The following GLP2R variants were observed in gnomAD, a reference collection of about 807,000 sequenced individuals.
The protein encoded by GLP2R is glucagon-like peptide 2 receptor.
GLP2R carries 59 observed loss-of-function variants against 68.2 expected under a neutral mutation model. The ratio of observed to expected loss-of-function variants is 0.87; its 90% CI spans 0.70 to 1.07. GLP2R has a LOEUF of 1.07. Among genes scored for constraint, GLP2R ranks in the 50% least tolerant of loss-of-function variants. GLP2R has a pLI of 0.00. For synonymous variants in GLP2R, 270 were observed against 265.4 expected, an observed-to-expected ratio of 1.02 and a Z score of -0.17; for missense variants, 548 against 677.4, an observed-to-expected ratio of 0.81 and a Z score of 2.12.
chr17:9,870,898 C>A, intron 10 of GLP2R, 63 bp downstream of exon 10: 1 of 807,544 alleles, frequency 1.2e-6, no homozygotes, highest in African/African-American at 1.7e-5. Context: ...GGCTGTTCTG[C>A]CCGCTGTCTT....
chr17:9,836,238 C>A (rs1385289327), intron 2 of GLP2R, 133 bp from the exon 3 acceptor site: 2 of 650,942 alleles, frequency 3.1e-6, no homozygotes, highest in Non-Finnish European at 5.6e-6. Context: ...AGTGGGGCAC[C>A]CATGCTGGTT....
chr17:9,864,842 C>T (rs16958860), intron 9 of GLP2R, among the ~76,000 whole-genome samples: 37,614 of 151,946 alleles, frequency 0.25, 7,210 homozygotes, highest in African/African-American at 0.52. Context: ...TTTTAAAACC[C>T]CTGAAATGAT....
intron 1 of GLP2R, among the ~76,000 whole-genome samples, chr17:9,826,967 G>C (rs2066637944): frequency 6.6e-6 from 1 of 152,106 alleles, no homozygotes; most frequent in South Asian, 2.1e-4. Context: ...TGCCTCCCGG[G>C]TTCAAGTGAT....
At chr17:9,835,300 G>A (rs2066717046) in intron 2 of GLP2R, among the ~76,000 whole-genome samples, 1 of 152,078 alleles carries the variant, frequency 6.6e-6, no homozygotes, top group Admixed American at 6.5e-5. Flanking sequence ...CTAATAGGGA[G>A]CAGATGGTGG....
intron 1 of GLP2R, among the ~76,000 whole-genome samples, chr17:9,832,334 G>T (rs889634822): frequency 3.9e-5 from 6 of 152,102 alleles, no homozygotes; most frequent in African/African-American, 1.4e-4. Flanking sequence ...TAGCACTTTG[G>T]GAGGCTGAGG....
intron 1 of GLP2R, among the ~76,000 whole-genome samples, chr17:9,832,139 T>C (rs181137835): frequency 4.3e-4 from 66 of 152,292 alleles, no homozygotes; most frequent in African/African-American, 1.5e-3. Flanking sequence ...AGAAAGCCCT[T>C]TTTAAAATCA....
At chr17:9,885,795 C>A (rs1360284747) in intron 11 of GLP2R, among the ~76,000 whole-genome samples, 6 of 151,884 alleles carry the variant, frequency 4.0e-5, no homozygotes, top group Admixed American at 3.9e-4. Context: ...AAACTAGGTC[C>A]ACTTTTTGAT....
At chr17:9,877,073 A>T (rs550725525) in intron 10 of GLP2R, among the ~76,000 whole-genome samples, 1 of 152,358 alleles carries the variant, frequency 6.6e-6, no homozygotes, top group African/African-American at 2.4e-5. Flanking sequence ...AATTGGCAAC[A>T]CTGAGATTTG....
At chr17:9,861,916 A>G (rs2066990890) in intron 8 of GLP2R, 105 bp from the exon 9 acceptor site, 2 of 812,930 alleles carry the variant, frequency 2.5e-6, no homozygotes, top group Admixed American at 3.5e-5. Context: ...GGTGGGAAGT[A>G]GGGCTTGAGT....
At chr17:9,888,456 A>AT (rs1018114252) in intron 12 of GLP2R, among the ~76,000 whole-genome samples, 4 of 152,110 alleles carry the variant, frequency 2.6e-5, no homozygotes, top group Admixed American at 2.0e-4. Context: ...CTATGATTAC[A>AT]TTTTTTTAAA....
At chr17:9,854,150 C>G (rs1309519252) in intron 4 of GLP2R, among the ~76,000 whole-genome samples, 2 of 152,136 alleles carry the variant, frequency 1.3e-5, no homozygotes, top group Non-Finnish European at 2.9e-5. Flanking sequence ...GACAGTGCTC[C>G]CAAGGGCAAA....
intron 2 of GLP2R, among the ~76,000 whole-genome samples, chr17:9,835,410 GGA>G: frequency 6.6e-6 from 1 of 152,078 alleles, no homozygotes; most frequent in Admixed American, 6.6e-5. Context: ...CCCATAAGGT[GGA>G]GTTTTAAGGT....
At chr17:9,885,267 G>T (rs944363386) in intron 11 of GLP2R, among the ~76,000 whole-genome samples, 1 of 151,308 alleles carries the variant, frequency 6.6e-6, no homozygotes, top group Non-Finnish European at 1.5e-5. Flanking sequence ...TCGGCTCACC[G>T]CAACCTCCAC....
At chr17:9,861,346 A>G (rs1479321912) in intron 8 of GLP2R, 147 bp downstream of exon 8, 2 of 623,064 alleles carry the variant, frequency 3.2e-6, no homozygotes, top group Non-Finnish European at 5.8e-6. Flanking sequence ...GGGAGATAAA[A>G]TAATCAGAGA....
chr17:9,831,935 C>T (rs141189610), intron 1 of GLP2R, among the ~76,000 whole-genome samples: 11 of 152,266 alleles, frequency 7.2e-5, no homozygotes, highest in Non-Finnish European at 1.0e-4. Flanking sequence ...CACTTGGCAT[C>T]GTAGGGATGC....
chr17:9,886,984 C>T (rs1387658617), intron 11 of GLP2R, among the ~76,000 whole-genome samples: 8 of 152,142 alleles, frequency 5.3e-5, no homozygotes, highest in Admixed American at 5.2e-4. Flanking sequence ...ACCCTTACAT[C>T]AATTAGGGAC....
chr17:9,877,704 C>G (rs1199921073), intron 10 of GLP2R, among the ~76,000 whole-genome samples: 1 of 151,840 alleles, frequency 6.6e-6, no homozygotes, highest in Non-Finnish European at 1.5e-5. Flanking sequence ...GGTGAAATCC[C>G]GTCTCTACTA....
At chr17:9,862,216 A>G in intron 9 of GLP2R, 126 bp downstream of exon 9, 1 of 704,300 alleles carries the variant, frequency 1.4e-6, no homozygotes. Flanking sequence ...AACTATGAGC[A>G]TTTTCTGCTG....
chr17:9,866,811 T>C (rs149328022), intron 9 of GLP2R: 3,079 of 152,262 alleles, frequency 0.02, 52 homozygotes, highest in Non-Finnish European at 0.033. Flanking sequence ...TGACCACATG[T>C]TGCAATTTTC....
Sources: gnomAD v4.1 joint callset for allele counts (sites outside exome capture counted in the v4.1 genomes callset) on GRCh38, gnomAD v4.1.1 for gene constraint, MANE v1.5 for transcripts, NCBI Gene and HGNC (gene_info 2026-07-23, HGNC 2026-07-21) for gene names.